TACC2: variants seen among roughly 807,000 people sequenced by gnomAD.
TACC2 encodes transforming acidic coiled-coil-containing protein 2.
TACC2 carries 137 observed loss-of-function variants against 227.3 expected under a neutral mutation model. That is an observed-to-expected ratio of 0.60 (90% CI 0.52 to 0.69). The LOEUF is 0.69. Ranked by LOEUF, TACC2 falls within the 30% of genes least tolerant of loss-of-function variation. TACC2 has a pLI of 0.00. For synonymous variants in TACC2, 1,523 were observed against 1,487.5 expected, an observed-to-expected ratio of 1.02 and a Z score of -0.55; for missense variants, 3,470 against 3,694.4, an observed-to-expected ratio of 0.94 and a Z score of 1.57.
rs1379934311 is a variant in TACC2 at position 122,141,556 on chromosome 10, C to G, written c.5700-2016C>G. ...GTGAGTGAGCCTTGGTTGTGCTGCCCCAGGGTGTTCTCAGAGATGGGGCAG... is the reference window on the plus strand; with the variant it reads ...GTGAGTGAGCCTTGGTTGTGCTGCCGCAGGGTGTTCTCAGAGATGGGGCAG... On this transcript the variant is annotated intron_variant, in intron 6 of 22. Transcript: ENST00000369005. The surrounding 1 kb of genome is among the most constrained non-coding windows in gnomAD (Gnocchi z 4.3). 6.6e-6 allele frequency among the ~76,000 whole-genome samples: 1 copy of G among 151,976 alleles called. No homozygotes were observed. Among genetic ancestry groups the G allele is most frequent in the Non-Finnish European group, 1.5e-5 (1 of 67,984 alleles).
rs1331184718 is a variant in TACC2 at position 122,030,153 on chromosome 10, G to A, written c.33+8139G>A. Among the ~76,000 whole-genome samples the A allele has an allele frequency of 2.0e-5, 3 of 152,226 alleles. No homozygotes were observed. In the East Asian group the frequency reaches 5.8e-4, roughly 29 times the overall value. ...GAAACCCTAGAATACAAGAACATTT[G>A]GCTTAACTGCTTTAACAGAATGCCT... On this transcript the variant is annotated intron_variant, in intron 2 of 22. Transcript: ENST00000369005.
chr10:122,192,877 G>A (rs553683201), intron 7 of TACC2: 4 of 418,422 alleles, frequency 9.6e-6, no homozygotes, highest in East Asian at 1.5e-4. Flanking sequence ...CTGGGTTCCC[G>A]GGGCAGCACC....
rs778583843 is a variant in TACC2, at chr10:122,086,391, A to G, written c.3891A>G (p.Pro1297=). 6.2e-7 allele frequency: 1 copy of G among 1,613,624 alleles called. No homozygotes were observed. The highest frequency in any genetic ancestry group is 8.5e-7 in the Non-Finnish European group (1 of 1,180,006). The change falls in exon 4 of 23, where the codon CCA becomes CCG. Residue 1297 remains proline (P), a synonymous_variant. Coordinates refer to ENST00000369005, the MANE Select transcript of TACC2 (RefSeq NM_206862.4). ...GCTCCCTCGCCCCCCTGTTGCAACC[A>G]GGAGCTGCAGGTGGGGAAATCCCTG... ...FAGSLAPLLQ[P]GAAGGEIPAV...
intron 1 of TACC2, among the ~76,000 whole-genome samples, chr10:121,999,318 G>A (rs1953980886): frequency 6.6e-6 from 1 of 152,182 alleles, no homozygotes; most frequent in Non-Finnish European, 1.5e-5. Flanking sequence ...CTGGCTCCCT[G>A]AGCTTAAAAA....
intron 3 of TACC2, among the ~76,000 whole-genome samples, chr10:122,062,250 G>A (rs2076919319): frequency 6.6e-6 from 1 of 151,646 alleles, no homozygotes. Context: ...AGCCAGGATG[G>A]TCTCAATCTC....
Position 122,237,516 on chromosome 10 carries a change from C to T in TACC2, c.8249C>T (p.Ala2750Val), listed in dbSNP as rs1336971324. 1 of 1,613,438 alleles carries T rather than the reference C, an allele frequency of 6.2e-7. No individual in the cohort carries two copies. The highest frequency in any genetic ancestry group is 8.5e-7 in the Non-Finnish European group (1 of 1,179,720). ...LLFQQPDLDS[A>V]LQIARAEIIT... ...TTCCAGCAGCCCGACCTGGACTCTG[C>T]CCTCCAGATCGCCAGAGCAGAGGTA... The change falls in exon 17 of 23, where the codon GCC (alanine) becomes GTC (valine). Residue 2750 changes from alanine to valine, a missense_variant. Coordinates refer to ENST00000369005, the MANE Select transcript of TACC2 (RefSeq NM_206862.4).
intron 7 of TACC2, among the ~76,000 whole-genome samples, chr10:122,191,302 C>G (rs1284372937): frequency 6.6e-6 from 1 of 152,092 alleles, no homozygotes; most frequent in Non-Finnish European, 1.5e-5. Context: ...TTCTGAAGAC[C>G]TTAGATGTGT....
chr10:122,022,364 C>T, intron 2 of TACC2: 1 of 198,942 alleles, frequency 5.0e-6, no homozygotes, highest in Non-Finnish European at 1.0e-5. Flanking sequence ...GCCACACAGC[C>T]TTCCAAGTGT....
chr10:122,032,434 G>C (rs943217433), intron 2 of TACC2, among the ~76,000 whole-genome samples: 3 of 152,150 alleles, frequency 2.0e-5, no homozygotes, highest in Non-Finnish European at 4.4e-5. Flanking sequence ...GCTAGGGAAC[G>C]TTTGGAAGGA....
At chr10:122,059,981 G>A (rs1444094416) in intron 3 of TACC2, among the ~76,000 whole-genome samples, 1 of 152,174 alleles carries the variant, frequency 6.6e-6, no homozygotes. Context: ...CACTCCTAAG[G>A]TTTGAGAACC....
At chr10:122,091,867 G>A (rs911982698) in intron 5 of TACC2, among the ~76,000 whole-genome samples, 2 of 152,138 alleles carry the variant, frequency 1.3e-5, no homozygotes, top group Admixed American at 6.5e-5. Context: ...TGAATTTCAG[G>A]GACAGGTCTC....
chr10:122,113,905 G>A (rs893198653), intron 5 of TACC2, among the ~76,000 whole-genome samples: 3 of 152,198 alleles, frequency 2.0e-5, no homozygotes, highest in Non-Finnish European at 4.4e-5. Flanking sequence ...GTGTCGGGGC[G>A]CTGGGATTTG....
At chr10:122,117,359 A>T (rs1305464987) in intron 5 of TACC2, among the ~76,000 whole-genome samples, 1 of 151,590 alleles carries the variant, frequency 6.6e-6, no homozygotes, top group Admixed American at 6.6e-5. Context: ...ATGCCCGGCT[A>T]ATTTTTTGTA....
intron 2 of TACC2, among the ~76,000 whole-genome samples, chr10:122,038,527 C>T (rs1208814889): frequency 2.0e-5 from 3 of 152,098 alleles, no homozygotes; most frequent in Non-Finnish European, 1.5e-5. Context: ...CCAGCTGGCA[C>T]AAAACTAGGT....
At chr10:122,197,521 CA>C (rs2094613956) in intron 8 of TACC2, among the ~76,000 whole-genome samples, 1 of 152,226 alleles carries the variant, frequency 6.6e-6, no homozygotes, top group Non-Finnish European at 1.5e-5. Context: ...CGAACACGCA[CA>C]ACATCCATCT....
chr10:122,098,198 T>G (rs113754202), intron 5 of TACC2, among the ~76,000 whole-genome samples: 2 of 152,256 alleles, frequency 1.3e-5, no homozygotes, highest in African/African-American at 4.8e-5. Context: ...ATCATGATCC[T>G]AGGTTGTCTT....
At chr10:122,039,458 A>G (rs991427984) in intron 2 of TACC2, among the ~76,000 whole-genome samples, 6 of 152,030 alleles carry the variant, frequency 3.9e-5, no homozygotes, top group African/African-American at 1.4e-4. Flanking sequence ...CTGAGTGCAG[A>G]AAAAGGCGTG....
chr10:122,097,217 T>C (rs942322328), intron 5 of TACC2, among the ~76,000 whole-genome samples: 1 of 151,502 alleles, frequency 6.6e-6, no homozygotes, highest in Non-Finnish European at 1.5e-5. Context: ...TGGTCCCAGC[T>C]ATTCAGGAGG....
intron 7 of TACC2, among the ~76,000 whole-genome samples, chr10:122,160,792 C>T (rs1053546942): frequency 6.6e-6 from 1 of 152,098 alleles, no homozygotes; most frequent in African/African-American, 2.4e-5. Flanking sequence ...TACTAGATCA[C>T]CAGCTTTGTT....
Sources: allele counts gnomAD v4.1 joint callset (sites outside exome capture counted in the v4.1 genomes callset), GRCh38; gene constraint gnomAD v4.1.1; non-coding constraint Gnocchi (gnomAD v3.1); transcripts MANE v1.5; gene names NCBI Gene and HGNC (gene_info 2026-07-23, HGNC 2026-07-21).